Variants in ADGRL3 observed in about 807,000 individuals in gnomAD.
The protein encoded by ADGRL3 is adhesion G protein-coupled receptor L3, also known as calcium-independent alpha-latrotoxin receptor 3.
Under a neutral mutation model 153.5 loss-of-function variants are expected in ADGRL3, and 62 were observed. That is an observed-to-expected ratio of 0.40 (90% CI 0.33 to 0.50). ADGRL3 has a LOEUF of 0.50. Among genes scored for constraint, ADGRL3 ranks in the 20% least tolerant of loss-of-function variants. The probability of loss-of-function intolerance (pLI) is 0.47; values close to 1 mark genes in which losing one functional copy is unlikely to be tolerated. For synonymous variants in ADGRL3, 710 were observed against 672.5 expected, an observed-to-expected ratio of 1.06 and a Z score of -0.86; for missense variants, 1,641 against 1,859.4, an observed-to-expected ratio of 0.88 and a Z score of 2.16.
intron 1 of ADGRL3, among the ~76,000 whole-genome samples, chr4:61,361,715 C>T (rs944579318): frequency 6.6e-6 from 1 of 151,870 alleles, no homozygotes; most frequent in African/African-American, 2.4e-5. Flanking sequence ...ACAATGGAAG[C>T]AATAAACAGT....
intron 22 of ADGRL3, among the ~76,000 whole-genome samples, chr4:62,029,872 T>C (rs1721009574): frequency 1.3e-5 from 2 of 151,674 alleles, no homozygotes; most frequent in South Asian, 4.1e-4. Context: ...GCAATTCTTA[T>C]TTTTTCTTTT....
intron 9 of ADGRL3, among the ~76,000 whole-genome samples, chr4:61,865,926 A>G (rs1203941202): frequency 6.6e-6 from 1 of 152,238 alleles, no homozygotes; most frequent in Non-Finnish European, 1.5e-5. Context: ...GAATGGTAGT[A>G]TAAGTGATTT....
chr4:61,652,955 A>G (rs938105246), intron 5 of ADGRL3, among the ~76,000 whole-genome samples: 2 of 152,058 alleles, frequency 1.3e-5, no homozygotes, highest in Non-Finnish European at 2.9e-5. Context: ...TAATGTCTGC[A>G]TCTCCCCACC....
intron 1 of ADGRL3, among the ~76,000 whole-genome samples, chr4:61,262,669 C>A (rs1213342528): frequency 6.6e-6 from 1 of 151,926 alleles, no homozygotes; most frequent in Non-Finnish European, 1.5e-5. Context: ...TTGTTAAGAG[C>A]GTTTATCTTA....
intron 1 of ADGRL3, among the ~76,000 whole-genome samples, chr4:61,259,547 A>C (rs1002417714): frequency 2.0e-5 from 3 of 152,116 alleles, no homozygotes; most frequent in African/African-American, 7.2e-5. Context: ...AACTCAACAA[A>C]GCAATTGTTC....
At chr4:61,473,833 T>C (rs2098004729) in intron 2 of ADGRL3, among the ~76,000 whole-genome samples, 2 of 152,142 alleles carry the variant, frequency 1.3e-5, no homozygotes, top group Admixed American at 1.3e-4. Context: ...ATTTATTGAC[T>C]GTCTGTTAGA....
intron 1 of ADGRL3, among the ~76,000 whole-genome samples, chr4:61,314,631 T>A (rs182682223): frequency 6.6e-6 from 1 of 152,196 alleles, no homozygotes; most frequent in African/African-American, 2.4e-5. Context: ...CTAACACAGT[T>A]GCAGTTGATT....
At chr4:62,057,294 C>G (rs1212665630) in intron 25 of ADGRL3, among the ~76,000 whole-genome samples, 1 of 152,022 alleles carries the variant, frequency 6.6e-6, no homozygotes, top group African/African-American at 2.4e-5. Flanking sequence ...TCAGGGCCTC[C>G]CAATGTCAAA....
intron 17 of ADGRL3, among the ~76,000 whole-genome samples, chr4:61,969,280 C>T (rs78098754): frequency 0.017 from 2,609 of 152,002 alleles, 30 homozygotes; most frequent in Non-Finnish European, 0.027. Flanking sequence ...TTCAAAAGAG[C>T]GTTGATTTTT....
At position 61,777,762 on chromosome 4, in the gene ADGRL3, A is replaced by T. The variant is rs2097169937; in HGVS notation, c.1400-36047A>T. Among the ~76,000 whole-genome samples, 5 of 152,134 alleles carry T rather than the reference A, an allele frequency of 3.3e-5. No individual in the cohort carries two copies. In the South Asian group the frequency reaches 1.0e-3, roughly 32 times the overall value. On this transcript the variant is annotated intron_variant, in intron 8 of 26. Coordinates refer to ENST00000683033, the MANE Select transcript of ADGRL3 (RefSeq NM_001387552.1). Reference sequence around the variant, plus strand: ...CCTTACTCTATTTCTAGTATTTATTATTTATTTATTTATTTGCTAAGGAAG... The same window carrying T: ...CCTTACTCTATTTCTAGTATTTATTTTTTATTTATTTATTTGCTAAGGAAG...
At chr4:62,046,692 G>A (rs1329552944) in intron 25 of ADGRL3, among the ~76,000 whole-genome samples, 1 of 151,950 alleles carries the variant, frequency 6.6e-6, no homozygotes, top group Non-Finnish European at 1.5e-5. Context: ...TGCCCAGGTA[G>A]TGATCATTTC....
In ADGRL3 at chr4:62,070,400, C is replaced by T; in HGVS notation, c.4124C>T (p.Ala1375Val). The T allele has an allele frequency of 6.4e-7, 1 of 1,552,002 alleles. No homozygotes were observed. The highest frequency in any genetic ancestry group is 2.4e-5 in the East Asian group (1 of 40,870). ...CTTGGCAGTGGAAGGGAAGATGATG[C>T]CATTGTCCTGGATGATGCCACCTCG... ...NNLGSGREDD[A>V]IVLDDATSFN... Residue 1375 changes from alanine (A) to valine (V), a missense_variant, in exon 27 of 27, where the codon GCC (alanine) becomes GTC (valine). Physicochemically the swap from Ala to Val is moderately conservative, Grantham distance 64 (BLOSUM62 0). Transcript: ENST00000683033.
intron 5 of ADGRL3, among the ~76,000 whole-genome samples, chr4:61,600,307 C>CAAAAAAA (rs60557691): frequency 0.57 from 35,329 of 61,602 alleles, 13,031 homozygotes; most frequent in Non-Finnish European, 0.7. Flanking sequence ...GGCTGCCTTG[C>CAAAAAAA]AAAAAAAAAA....
At chr4:62,024,697 G>A (rs907951341) in intron 21 of ADGRL3, among the ~76,000 whole-genome samples, 2 of 151,952 alleles carry the variant, frequency 1.3e-5, no homozygotes, top group African/African-American at 2.4e-5. Context: ...TTAAGAGGCC[G>A]AGGCGGGCGG....
chr4:61,200,428 C>G lies in ADGRL3; in HGVS notation c.-1577C>G, dbSNP rs367834971. On this transcript the variant is annotated 5_prime_UTR_variant, in exon 1 of 27. Coordinates refer to ENST00000683033, the MANE Select transcript of ADGRL3 (RefSeq NM_001387552.1). ...CCCGCTGTCTGCGCGTCGCCCCCCT[C>G]GCCTGCTGGCCCGGCACCGCTCGCT... Among the ~76,000 whole-genome samples, 2 of 151,910 alleles carry G rather than the reference C, an allele frequency of 1.3e-5. No homozygotes were observed. The highest frequency in any genetic ancestry group is 4.8e-5 in the African/African-American group (2 of 41,486).
intron 1 of ADGRL3, among the ~76,000 whole-genome samples, chr4:61,326,081 C>T (rs2095458188): frequency 6.6e-6 from 1 of 152,090 alleles, no homozygotes. Context: ...GATTTTAACT[C>T]AAATAAAATC....
At chr4:61,313,580 A>G (rs2095095191) in intron 1 of ADGRL3, among the ~76,000 whole-genome samples, 1 of 152,186 alleles carries the variant, frequency 6.6e-6, no homozygotes, top group South Asian at 2.1e-4. Flanking sequence ...TCTTAAGCGA[A>G]AACAATGTAT....
At chr4:61,738,470 A>C (rs1159908834) in intron 8 of ADGRL3, among the ~76,000 whole-genome samples, 2 of 152,050 alleles carry the variant, frequency 1.3e-5, no homozygotes, top group Non-Finnish European at 2.9e-5. Flanking sequence ...TGGTAGTTCT[A>C]CTTTTAGTTC....
chr4:61,711,464 A>ATATATATATATATATATATC (rs2095984365), intron 6 of ADGRL3, among the ~76,000 whole-genome samples: 1 of 76,842 alleles, frequency 1.3e-5, no homozygotes, highest in African/African-American at 6.4e-5. Context: ...TTCATTATAT[A>ATATATATATATATATATATC]TATATATATA....
Sources: allele counts gnomAD v4.1 joint callset (sites outside exome capture counted in the v4.1 genomes callset), GRCh38; gene constraint gnomAD v4.1.1; transcripts MANE v1.5; gene names NCBI Gene and HGNC (gene_info 2026-07-23, HGNC 2026-07-21).